The following PCDHGB1 variants were observed in gnomAD, a reference collection of about 807,000 sequenced individuals.
The protein encoded by PCDHGB1 is protocadherin gamma subfamily B, 1.
A neutral mutation model predicts 56.6 loss-of-function variants in PCDHGB1; 34 were observed. That is an observed-to-expected ratio of 0.60 (90% CI 0.46 to 0.80). PCDHGB1 has a LOEUF of 0.80. Ranked by LOEUF, PCDHGB1 falls within the 30% of genes least tolerant of loss-of-function variation. PCDHGB1 has a pLI of 0.00. For synonymous variants in PCDHGB1, 561 were observed against 505.9 expected, an observed-to-expected ratio of 1.11 and a Z score of -1.46; for missense variants, 1,278 against 1,204.6, an observed-to-expected ratio of 1.06 and a Z score of -0.90.
At chr5:141,393,374 T>A (rs11575958) in intron 1 of PCDHGB1, 1 of 1,613,626 alleles carries the variant, frequency 6.2e-7, no homozygotes, top group Admixed American at 1.7e-5. Context: ...CTGGAGACAA[T>A]GGAGCCATAA....
chr5:141,405,339 A>T (rs980651625), intron 1 of PCDHGB1: 12 of 1,614,060 alleles, frequency 7.4e-6, no homozygotes, highest in Non-Finnish European at 1.0e-5. Context: ...GTCTCTGTTG[A>T]TTCCAAGTTT....
chr5:141,403,601 G>A, intron 1 of PCDHGB1: 1 of 1,613,814 alleles, frequency 6.2e-7, no homozygotes, highest in Non-Finnish European at 8.5e-7. Flanking sequence ...GGCCTCGGAT[G>A]GCGGCGAGCC....
intron 1 of PCDHGB1, chr5:141,427,949 C>T (rs2097092193): frequency 1.3e-6 from 2 of 1,586,882 alleles, no homozygotes; most frequent in South Asian, 1.1e-5. Context: ...ACCTCAATGA[C>T]AATGTGCCGC....
At chr5:141,416,947 T>G (rs1436457377) in intron 1 of PCDHGB1, 1 of 152,184 alleles carries the variant, frequency 6.6e-6, no homozygotes, top group Non-Finnish European at 1.5e-5. Flanking sequence ...CCATTGAAAC[T>G]ATTATTTTAT....
chr5:141,455,343 G>T (rs1462807460), intron 1 of PCDHGB1, among the ~76,000 whole-genome samples: 1 of 152,036 alleles, frequency 6.6e-6, no homozygotes, highest in Non-Finnish European at 1.5e-5. Flanking sequence ...TTTAAGGAGC[G>T]GAGAGTTTAA....
intron 1 of PCDHGB1, chr5:141,393,482 T>G (rs116240246): frequency 4.3e-6 from 7 of 1,614,070 alleles, no homozygotes; most frequent in Middle Eastern, 1.6e-4. Context: ...CGCCTCGCTC[T>G]AGCACAGTGC....
At position 141,489,760 on chromosome 5, in the gene PCDHGB1, C is replaced by A; in HGVS notation, c.2410-5047C>A. 1 of 1,614,086 alleles carries A rather than the reference C, an allele frequency of 6.2e-7. No individual in the cohort carries two copies. Among genetic ancestry groups the A allele is most frequent in the Non-Finnish European group, 8.5e-7 (1 of 1,179,970 alleles). On this transcript the variant is annotated intron_variant, in intron 1 of 3. Coordinates refer to ENST00000523390, the MANE Select transcript of PCDHGB1 (RefSeq NM_018922.3). This position sits in a 1 kb window ranked among gnomAD's most constrained non-coding sequence, Gnocchi z 4.5. ...TACTGTGAGCTTTTACACTCTAAGC[C>A]CCAACAGCCACTTCTCTCTGAATGT...
chr5:141,457,997 G>A (rs2098934533), intron 1 of PCDHGB1, among the ~76,000 whole-genome samples: 1 of 152,152 alleles, frequency 6.6e-6, no homozygotes, highest in Non-Finnish European at 1.5e-5. Context: ...TAAAGCCTTG[G>A]CAAAATAACC....
intron 1 of PCDHGB1, chr5:141,366,527 G>T (rs374836826): frequency 2.5e-6 from 4 of 1,614,142 alleles, no homozygotes; most frequent in Non-Finnish European, 3.4e-6. Context: ...CAGCAGGTTG[G>T]CGGGTGTGCC....
At chr5:141,424,120 C>A in intron 1 of PCDHGB1, 2 of 650,838 alleles carry the variant, frequency 3.1e-6, no homozygotes, top group Non-Finnish European at 3.9e-6. Context: ...AAATTTTGAT[C>A]CTGTTGATTT....
chr5:141,383,342 C>T, intron 1 of PCDHGB1: 2 of 1,613,958 alleles, frequency 1.2e-6, no homozygotes, highest in Non-Finnish European at 1.7e-6. Flanking sequence ...AATACAGCTC[C>T]TGGGGTTCGG....
intron 1 of PCDHGB1, chr5:141,356,296 A>G: frequency 6.4e-7 from 1 of 1,555,098 alleles, no homozygotes; most frequent in Non-Finnish European, 8.7e-7. Context: ...GGGTACAGTA[A>G]TTGCACTTTT....
At position 141,352,536 on chromosome 5, in the gene PCDHGB1, C is replaced by A. The variant is rs199727665; in HGVS notation, c.2276C>A (p.Thr759Lys). Residue 759 changes from threonine to lysine, a missense_variant, in exon 1 of 4, where the codon ACA becomes AAA. By Grantham distance (78) the Thr-to-Lys change is moderately conservative (BLOSUM62 -1). Transcript: ENST00000523390. ...NLCIASHSAK[T>K]EFNSLNLTPE... is the part of the protein sequence containing the mutation. ...TGTATTGCCTCTCATTCTGCAAAGACAGAGTTTAATTCTCTCAACCTGACA... is the reference window on the plus strand; with the variant it reads ...TGTATTGCCTCTCATTCTGCAAAGAAAGAGTTTAATTCTCTCAACCTGACA... 161 of 1,614,032 alleles carry A rather than the reference C, an allele frequency of 1.0e-4. No homozygotes were observed. In the African/African-American group the frequency reaches 1.9e-3, roughly 19 times the overall value.
intron 1 of PCDHGB1, chr5:141,357,650 A>G: frequency 6.2e-7 from 1 of 1,608,974 alleles, no homozygotes; most frequent in Non-Finnish European, 8.5e-7. Flanking sequence ...AGATCATACC[A>G]CACTGAAATA....
intron 1 of PCDHGB1, chr5:141,392,382 T>A (rs1463242705): frequency 6.5e-6 from 1 of 154,612 alleles, no homozygotes; most frequent in Non-Finnish European, 1.4e-5. Context: ...TCTGATCTAA[T>A]CTGATCATTT....
Position 141,431,560 on chromosome 5 carries a change from C to G in PCDHGB1, c.2410-63247C>G, listed in dbSNP as rs751276470. The G allele has an allele frequency of 6.2e-7, 1 of 1,613,986 alleles. No individual in the cohort carries two copies. The highest frequency in any genetic ancestry group is 1.7e-5 in the Admixed American group (1 of 60,016). On this transcript the variant is annotated intron_variant, in intron 1 of 3. Transcript: ENST00000523390. This position sits in a 1 kb window ranked among gnomAD's most constrained non-coding sequence, Gnocchi z 4.8. Reference sequence around the variant, plus strand: ...CGCAGCTGCTTGTAGTCAACGCTACCGACCCTGACGAAGGAGTCAATGCGG... The same window carrying G: ...CGCAGCTGCTTGTAGTCAACGCTACGGACCCTGACGAAGGAGTCAATGCGG...
chr5:141,422,330 C>A, intron 1 of PCDHGB1: 1 of 1,548,166 alleles, frequency 6.5e-7, no homozygotes. Flanking sequence ...ACAGTGATTG[C>A]TCTTCTAAAT....
Position 141,431,151 on chromosome 5 carries a change from C to A in PCDHGB1, c.2410-63656C>A, listed in dbSNP as rs764416448. On this transcript the variant is annotated intron_variant, in intron 1 of 3. Transcript: ENST00000523390. This position sits in a 1 kb window ranked among gnomAD's most constrained non-coding sequence, Gnocchi z 4.8. Reference sequence around the variant, plus strand: ...GTAAGGGACATTAACGACAATGCGCCTTACTTTCGTGAAAGTGAATTAGAA... The same window carrying A: ...GTAAGGGACATTAACGACAATGCGCATTACTTTCGTGAAAGTGAATTAGAA... 7.4e-6 allele frequency: 12 copies of A among 1,614,126 alleles called. No individual in the cohort carries two copies. Among genetic ancestry groups the A allele is most frequent in the Middle Eastern group, 1.6e-4 (1 of 6,084 alleles).
At position 141,477,530 on chromosome 5, in the gene PCDHGB1, C is replaced by A; in HGVS notation, c.2410-17277C>A. The A allele has an allele frequency of 6.2e-7, 1 of 1,614,186 alleles. No homozygotes were observed. The highest frequency in any genetic ancestry group is 1.1e-5 in the South Asian group (1 of 91,082). ...CGTTTACATTGAAGAAAACAACCTCCCCGGGGCTCCAATACTAAACCTAAG... is the reference window on the plus strand; with the variant it reads ...CGTTTACATTGAAGAAAACAACCTCACCGGGGCTCCAATACTAAACCTAAG... On this transcript the variant is annotated intron_variant, in intron 1 of 3. Coordinates refer to ENST00000523390, the MANE Select transcript of PCDHGB1 (RefSeq NM_018922.3). The surrounding 1 kb of genome is among the most constrained non-coding windows in gnomAD (Gnocchi z 4.9).
Sources: gnomAD v4.1 joint callset for allele counts (sites outside exome capture counted in the v4.1 genomes callset) on GRCh38, gnomAD v4.1.1 for gene constraint, Gnocchi (gnomAD v3.1) non-coding constraint, MANE v1.5 for transcripts, NCBI Gene and HGNC (gene_info 2026-07-23, HGNC 2026-07-21) for gene names.